Variants in UQCR10 observed in about 807,000 individuals in gnomAD.
The protein encoded by UQCR10 is ubiquinol-cytochrome c reductase, complex III subunit X.
In UQCR10, 5 loss-of-function variants were observed where a neutral mutation model predicts 6.0. The ratio of observed to expected loss-of-function variants is 0.83; its 90% CI spans 0.43 to 1.74. The LOEUF (loss-of-function observed/expected upper bound fraction) is 1.74, where lower values mean the gene tolerates loss of function less well. UQCR10 is among the 40% of genes most tolerant of loss of function. The probability of loss-of-function intolerance (pLI) is 0.02; values close to 1 mark genes in which losing one functional copy is unlikely to be tolerated. For synonymous variants in UQCR10, 40 were observed against 37.4 expected, an observed-to-expected ratio of 1.07 and a Z score of -0.26; for missense variants, 101 against 85.1, an observed-to-expected ratio of 1.19 and a Z score of -0.74.
Position 29,769,254 on chromosome 22 carries a change from C to T in UQCR10, c.151-424C>T, listed in dbSNP as rs922135468. 4.2e-4 allele frequency among the ~76,000 whole-genome samples: 64 copies of T among 152,264 alleles called. 1 individual carries two copies. The highest frequency in any genetic ancestry group is 1.3e-3 in the African/African-American group (54 of 41,556). ...CGGTGGCTCACACCTGTCATCCCAG[C>T]GCTTTGGGAGGCCAAGGCAGGCAGA... On this transcript the variant is annotated intron_variant, in intron 1 of 1. Coordinates refer to ENST00000330029, the MANE Select transcript of UQCR10 (RefSeq NM_013387.4).
At chr22:29,768,222 G>A (rs890644409) in intron 1 of UQCR10, among the ~76,000 whole-genome samples, 1 of 152,176 alleles carries the variant, frequency 6.6e-6, no homozygotes, top group Admixed American at 6.5e-5. Flanking sequence ...ATGCCTGGTA[G>A]GTGGTACCAC....
rs200176748 is a variant in UQCR10 at position 29,767,582 on chromosome 22, G to A, written c.150+34G>A. ...CTGTGCCATCCCTGACCTTGGACCCGCCTGAGGGGTGACAGTGGAGTAGAG... is the reference window on the plus strand; with the variant it reads ...CTGTGCCATCCCTGACCTTGGACCCACCTGAGGGGTGACAGTGGAGTAGAG... On this transcript the variant is annotated intron_variant, in intron 1 of 1. Transcript: ENST00000330029. 6,592 of 1,527,002 alleles carry A rather than the reference G, an allele frequency of 4.3e-3. 26 individuals are homozygous for A. The highest frequency in any genetic ancestry group is 5.4e-3 in the Non-Finnish European group (6,077 of 1,116,510). 94.6% of individuals were successfully genotyped at this position (1,527,002 alleles called of 1,614,324 possible).
Position 29,767,414 on chromosome 22 carries a change from T to C in UQCR10, c.16T>C (p.Leu6=), listed in dbSNP as rs201462074. 9.3e-6 allele frequency: 15 copies of C among 1,613,060 alleles called. No homozygotes were observed. The Admixed American group carries it at 2.2e-4, about 23-fold the overall frequency. ...GTGAAGAAACATGGCGGCCGCGACG[T>C]TGACTTCGAAATTGTACTCCCTGCT... MAAAT[L]TSKLYSLLFR... The change falls in exon 1 of 2, where the codon TTG becomes CTG. Residue 6 remains leucine, a synonymous_variant. Coordinates refer to ENST00000330029, the MANE Select transcript of UQCR10 (RefSeq NM_013387.4).
chr22:29,767,576 G>C, intron 1 of UQCR10, 28 bp downstream of exon 1: 1 of 1,511,528 alleles, frequency 6.6e-7, no homozygotes, highest in Non-Finnish European at 9.1e-7. Context: ...CCCTGACCTT[G>C]GACCCGCCTG....
At chr22:29,767,789 A>G (rs769621709) in intron 1 of UQCR10, among the ~76,000 whole-genome samples, 1 of 152,182 alleles carries the variant, frequency 6.6e-6, no homozygotes, top group Non-Finnish European at 1.5e-5. Flanking sequence ...CTACATACCC[A>G]CTTGCCCATT....
intron 1 of UQCR10, 73 bp downstream of exon 1, chr22:29,767,621 CAG>C: frequency 6.6e-7 from 1 of 1,519,368 alleles, no homozygotes; most frequent in Non-Finnish European, 8.9e-7. Context: ...GGATGGGACT[CAG>C]TATACTTTTA....
chr22:29,768,627 GT>G (rs1444114939), intron 1 of UQCR10, among the ~76,000 whole-genome samples: 21 of 138,426 alleles, frequency 1.5e-4, no homozygotes, highest in South Asian at 2.5e-4. Flanking sequence ...GCTTTTTTTT[GT>G]TTTGTTTTGT....
In UQCR10 at chr22:29,767,387, C is replaced by T. The variant is rs1195095206; in HGVS notation, c.-12C>T. 3.1e-6 allele frequency: 5 copies of T among 1,611,130 alleles called. No individual in the cohort carries two copies. Among genetic ancestry groups the T allele is most frequent in the Non-Finnish European group, 4.2e-6 (5 of 1,178,618 alleles). On this transcript the variant is annotated 5_prime_UTR_variant, in exon 1 of 2. Transcript: ENST00000330029. ...CGCAGGCGCGGTGGCGCGAGTTGGACTGTGAAGAAACATGGCGGCCGCGAC... is the reference window on the plus strand; with the variant it reads ...CGCAGGCGCGGTGGCGCGAGTTGGATTGTGAAGAAACATGGCGGCCGCGAC...
rs1013769070 is a variant in UQCR10, at chr22:29,770,413, G to A, written c.*694G>A. Reference sequence around the variant, plus strand: ...ATGTTTTAATAAAGTTGAAGAATTTGTGTTTGGGCCTCATTCAAAGCCATC... The same window carrying A: ...ATGTTTTAATAAAGTTGAAGAATTTATGTTTGGGCCTCATTCAAAGCCATC... On this transcript the variant is annotated 3_prime_UTR_variant, in exon 2 of 2. Coordinates refer to ENST00000330029, the MANE Select transcript of UQCR10 (RefSeq NM_013387.4). 2 of 174,778 alleles carry A rather than the reference G, an allele frequency of 1.1e-5. No homozygotes were observed. The highest frequency in any genetic ancestry group is 2.5e-5 in the Non-Finnish European group (2 of 80,274). The allele number at this position is 174,778 out of a possible 1,614,324, so 10.8% of individuals were successfully genotyped here.
intron 1 of UQCR10, 64 bp from the exon 2 acceptor site, chr22:29,769,614 G>A (rs1206332840): frequency 1.6e-5 from 24 of 1,483,610 alleles, no homozygotes; most frequent in Non-Finnish European, 2.2e-5. Flanking sequence ...CCAGGGCAGT[G>A]GGAGTAGTTG....
intron 1 of UQCR10, 145 bp downstream of exon 1, chr22:29,767,693 C>T (rs1424045909): frequency 1.6e-6 from 2 of 1,250,142 alleles, no homozygotes; most frequent in Non-Finnish European, 2.2e-6. Flanking sequence ...GCCGTCTGTC[C>T]CCTTGGCTTG....
intron 1 of UQCR10, 54 bp downstream of exon 1, chr22:29,767,602 G>T (rs775991872): frequency 6.4e-7 from 1 of 1,550,890 alleles, no homozygotes; most frequent in Admixed American, 1.7e-5. Context: ...TGACAGTGGA[G>T]TAGAGGTGGG....
chr22:29,769,144 T>C (rs868129313), intron 1 of UQCR10, among the ~76,000 whole-genome samples: 8 of 152,278 alleles, frequency 5.3e-5, no homozygotes, highest in South Asian at 2.1e-4. Context: ...GAAATTAAGA[T>C]CACCCCTTTC....
intron 1 of UQCR10, among the ~76,000 whole-genome samples, chr22:29,767,999 A>G (rs1204963640): frequency 6.6e-6 from 1 of 152,166 alleles, no homozygotes; most frequent in South Asian, 2.1e-4. Flanking sequence ...CTGGTCCCCA[A>G]GGCTTCCCAC....
intron 1 of UQCR10, among the ~76,000 whole-genome samples, chr22:29,769,415 C>G (rs557768009): frequency 6.6e-6 from 1 of 151,988 alleles, no homozygotes; most frequent in Admixed American, 6.6e-5. Context: ...GAGAATCGCT[C>G]GAACCCAAGA....
rs887206190 is a variant in UQCR10 at position 29,767,489 on chromosome 22, T to G, written c.91T>G (p.Phe31Val). Residue 31 changes from phenylalanine to valine, a missense_variant, in exon 1 of 2, where the codon TTC becomes GTC. Physicochemically the swap from Phe to Val is conservative, Grantham distance 50. Transcript: ENST00000330029. ...FALTIIVGVMFFERAFDQGAD... is the reference protein window; with the variant it reads ...FALTIIVGVMVFERAFDQGAD... The stretch of plus-strand genomic sequence containing the variant: ...CCTCACCATCATCGTGGGCGTCATG[T>G]TCTTCGAGCGCGCCTTCGATCAAGG... 1 of 1,613,900 alleles carries G rather than the reference T, an allele frequency of 6.2e-7. No individual in the cohort carries two copies. Among genetic ancestry groups the G allele is most frequent in the East Asian group, 2.2e-5 (1 of 44,888 alleles).
Position 29,769,875 on chromosome 22 carries a change from CTT to C in UQCR10, c.*158_*159del, listed in dbSNP as rs532061637. On this transcript the variant is annotated 3_prime_UTR_variant, in exon 2 of 2. Coordinates refer to ENST00000330029, the MANE Select transcript of UQCR10 (RefSeq NM_013387.4). ...AACGGCTTTACTTACAAAACAGACT[CTT>C]TACCTTCTGCTGTGTTTGAAGTATG... The C allele has an allele frequency of 7.7e-3, 6,427 of 839,964 alleles. 36 individuals carry two copies. Among genetic ancestry groups the C allele is most frequent in the Middle Eastern group, 0.024 (109 of 4,586 alleles). 52.0% of individuals were successfully genotyped at this position (839,964 alleles called of 1,614,324 possible). A position where few individuals can be genotyped will look rare whatever the true frequency, so the allele number is the denominator to read the frequency against.
In UQCR10 at chr22:29,767,423, A is replaced by G. The variant is rs771003671; in HGVS notation, c.25A>G (p.Lys9Glu). The change falls in exon 1 of 2, where the codon AAA (lysine) becomes GAA (glutamate). Residue 9 changes from lysine (K) to glutamate (E), a missense_variant. Lys to Glu is a moderately conservative substitution (Grantham distance 56, BLOSUM62 1). Coordinates refer to ENST00000330029, the MANE Select transcript of UQCR10 (RefSeq NM_013387.4). The part of the protein sequence containing the change: MAAATLTS[K>E]LYSLLFRRTS... ...CATGGCGGCCGCGACGTTGACTTCG[A>G]AATTGTACTCCCTGCTGTTCCGCAG... The G allele has an allele frequency of 8.7e-5, 141 of 1,613,538 alleles. No individual in the cohort carries two copies. The highest frequency in any genetic ancestry group is 6.3e-4 in the South Asian group (57 of 91,070).
rs1253499683 is a variant in UQCR10, at chr22:29,767,526, T to C, written c.128T>C (p.Ile43Thr). 6.2e-7 allele frequency: 1 copy of C among 1,613,796 alleles called. No homozygotes were observed. The highest frequency in any genetic ancestry group is 1.3e-5 in the African/African-American group (1 of 74,934). ...GCCTTCGATCAAGGCGCGGACGCTA[T>C]CTACGACCACATCAACGAGGGGGTG... Reference protein sequence around the residue: ...ERAFDQGADAIYDHINEGKLW... With the variant: ...ERAFDQGADATYDHINEGKLW... Residue 43 changes from isoleucine (I) to threonine (T), a missense_variant, in exon 1 of 2, where the codon ATC (isoleucine) becomes ACC (threonine). Transcript: ENST00000330029.
Sources: allele counts gnomAD v4.1 joint callset (sites outside exome capture counted in the v4.1 genomes callset), GRCh38; gene constraint gnomAD v4.1.1; transcripts MANE v1.5; gene names NCBI Gene and HGNC (gene_info 2026-07-23, HGNC 2026-07-21).